The following NRXN1 variants were observed in gnomAD, a reference collection of about 807,000 sequenced individuals.
NRXN1 encodes neurexin-1.
In NRXN1, 39 loss-of-function variants were observed where a neutral mutation model predicts 150.9. The observed-to-expected ratio is 0.26, with a 90% CI of 0.20 to 0.34. NRXN1 has a LOEUF of 0.34. Ranked by LOEUF, NRXN1 falls within the 10% of genes least tolerant of loss-of-function variation. The probability of loss-of-function intolerance (pLI) is 1.00; values close to 1 mark genes in which losing one functional copy is unlikely to be tolerated. For synonymous variants in NRXN1, 924 were observed against 757.0 expected, an observed-to-expected ratio of 1.22 and a Z score of -3.62; for missense variants, 1,815 against 1,949.9, an observed-to-expected ratio of 0.93 and a Z score of 1.30.
At chr2:51,030,284 C>T (rs1399095798) in intron 1 of NRXN1, among the ~76,000 whole-genome samples, 1 of 152,070 alleles carries the variant, frequency 6.6e-6, no homozygotes, top group African/African-American at 2.4e-5. Context: ...CACACATGCA[C>T]ACACACACCC....
chr2:50,689,647 T>C (rs1691763608), intron 5 of NRXN1, among the ~76,000 whole-genome samples: 1 of 152,152 alleles, frequency 6.6e-6, no homozygotes, highest in African/African-American at 2.4e-5. Context: ...AAGCTTTAGG[T>C]AGCAAAAGAG....
intron 5 of NRXN1, among the ~76,000 whole-genome samples, chr2:50,850,231 GAAA>G (rs539460509): frequency 8.2e-5 from 6 of 72,836 alleles, no homozygotes; most frequent in African/African-American, 3.0e-4. Context: ...TGTCTCGACA[GAAA>G]AAAAAAAAAA....
intron 5 of NRXN1, among the ~76,000 whole-genome samples, chr2:50,676,984 A>G (rs540446028): frequency 3.9e-5 from 6 of 152,284 alleles, no homozygotes; most frequent in Admixed American, 3.9e-4. Flanking sequence ...TGAGATATAA[A>G]GTATATGGGC....
chr2:50,357,129 A>AT (rs2078872822), intron 17 of NRXN1, among the ~76,000 whole-genome samples: 1 of 151,974 alleles, frequency 6.6e-6, no homozygotes, highest in African/African-American at 2.4e-5. Flanking sequence ...ATTTAAAAAA[A>AT]TTTTGTAGAG....
intron 21 of NRXN1, among the ~76,000 whole-genome samples, chr2:50,015,943 T>A (rs533230403): frequency 6.6e-6 from 1 of 152,172 alleles, no homozygotes; most frequent in Admixed American, 6.5e-5. Context: ...ACAGTATCCA[T>A]CAAAATACAG....
intron 5 of NRXN1, among the ~76,000 whole-genome samples, chr2:50,697,899 T>C (rs1261194449): frequency 6.6e-6 from 1 of 152,158 alleles, no homozygotes; most frequent in Non-Finnish European, 1.5e-5. Flanking sequence ...CAGCTCTCCA[T>C]AGCTCTTCAC....
At chr2:50,053,889 T>C (rs902525210) in intron 20 of NRXN1, among the ~76,000 whole-genome samples, 3 of 152,200 alleles carry the variant, frequency 2.0e-5, no homozygotes, top group Non-Finnish European at 4.4e-5. Flanking sequence ...CAAGATCTTA[T>C]ATTGTTGGTG....
intron 5 of NRXN1, among the ~76,000 whole-genome samples, chr2:50,657,926 A>G (rs547058024): frequency 6.6e-6 from 1 of 152,110 alleles, no homozygotes; most frequent in African/African-American, 2.4e-5. Context: ...GCTTCTATAT[A>G]GTCACAATGA....
At chr2:50,228,180 T>A (rs2064587144) in intron 18 of NRXN1, among the ~76,000 whole-genome samples, 1 of 152,042 alleles carries the variant, frequency 6.6e-6, no homozygotes, top group African/African-American at 2.4e-5. Flanking sequence ...ATAATTTATA[T>A]CATTTATATA....
intron 5 of NRXN1, among the ~76,000 whole-genome samples, chr2:50,710,184 A>G (rs1286279646): frequency 6.6e-6 from 1 of 152,202 alleles, no homozygotes; most frequent in African/African-American, 2.4e-5. Flanking sequence ...ACTGAAGGTA[A>G]TTCAACTGTC....
intron 5 of NRXN1, among the ~76,000 whole-genome samples, chr2:50,826,916 C>T (rs897521354): frequency 2.0e-5 from 3 of 152,116 alleles, no homozygotes; most frequent in Non-Finnish European, 4.4e-5. Context: ...ACTGAATCAC[C>T]TTCAGAAAGA....
chr2:50,835,929 C>T (rs1225654085), intron 5 of NRXN1, among the ~76,000 whole-genome samples: 2 of 152,126 alleles, frequency 1.3e-5, no homozygotes, highest in Admixed American at 6.6e-5. Flanking sequence ...CCTATCAAAT[C>T]TTTCTGCATT....
At chr2:50,643,963 A>C (rs1275211480) in intron 5 of NRXN1, among the ~76,000 whole-genome samples, 1 of 151,822 alleles carries the variant, frequency 6.6e-6, no homozygotes, top group Admixed American at 6.6e-5. Flanking sequence ...CTCAGTCTAT[A>C]ATTTAAAGTT....
At chr2:51,006,540 TATA>T (rs925676152) in intron 2 of NRXN1, among the ~76,000 whole-genome samples, 3 of 147,826 alleles carry the variant, frequency 2.0e-5, no homozygotes, top group Non-Finnish European at 3.0e-5. Flanking sequence ...AAACTTAAAG[TATA>T]ATAATAAAAT....
At chr2:50,062,971 A>G (rs1239476679) in intron 19 of NRXN1, among the ~76,000 whole-genome samples, 1 of 152,324 alleles carries the variant, frequency 6.6e-6, no homozygotes, top group East Asian at 1.9e-4. Context: ...AGTTTTTAAC[A>G]TTGGGAAAAG....
chr2:50,518,936 T>G (rs575212311), intron 12 of NRXN1, among the ~76,000 whole-genome samples: 2 of 152,006 alleles, frequency 1.3e-5, no homozygotes, highest in East Asian at 3.9e-4. Flanking sequence ...GTTTCTGCCT[T>G]TATTAAGTTT....
intron 17 of NRXN1, among the ~76,000 whole-genome samples, chr2:50,338,998 T>C (rs1273760729): frequency 1.3e-5 from 2 of 152,202 alleles, no homozygotes; most frequent in African/African-American, 4.8e-5. Flanking sequence ...TGAAGTCATC[T>C]AGAAAAATAT....
At position 50,707,528 on chromosome 2, in the gene NRXN1, T is replaced by C. The variant is rs140763095; in HGVS notation, c.833-83913A>G. ...TTTCAGCTTTTTTGTGATAAACATA[T>C]TGAAAATTCAGTCAAACAGCTTTTT... On this transcript the variant is annotated intron_variant, in intron 5 of 22. Coordinates refer to ENST00000401669, the MANE Select transcript of NRXN1 (RefSeq NM_001330078.2). 2.2e-4 allele frequency among the ~76,000 whole-genome samples: 33 copies of C among 152,272 alleles called. 1 individual carries two copies. In the East Asian group the frequency reaches 6.0e-3, roughly 28 times the overall value.
chr2:50,657,755 A>T (rs1449359645), intron 5 of NRXN1, among the ~76,000 whole-genome samples: 6 of 152,040 alleles, frequency 3.9e-5, no homozygotes, highest in Non-Finnish European at 8.8e-5. Flanking sequence ...TTTATGCTTG[A>T]AATTCTCACC....
Sources: allele counts gnomAD v4.1 joint callset (sites outside exome capture counted in the v4.1 genomes callset), GRCh38; gene constraint gnomAD v4.1.1; transcripts MANE v1.5; gene names NCBI Gene and HGNC (gene_info 2026-07-23, HGNC 2026-07-21).